The following RBMS2 variants were observed in gnomAD, a reference collection of about 807,000 sequenced individuals.
RBMS2 encodes the protein RNA binding motif single stranded interacting protein 2, also known as RNA-binding motif, single-stranded-interacting protein 2.
RBMS2 carries 38 observed loss-of-function variants against 58.4 expected under a neutral mutation model. The ratio of observed to expected loss-of-function variants is 0.65; its 90% CI spans 0.50 to 0.85. The LOEUF is 0.85. Among genes scored for constraint, RBMS2 ranks in the 40% least tolerant of loss-of-function variants. The probability of loss-of-function intolerance (pLI) is 0.00; values close to 1 mark genes in which losing one functional copy is unlikely to be tolerated. For synonymous variants in RBMS2, 151 were observed against 180.7 expected, an observed-to-expected ratio of 0.84 and a Z score of 1.32; for missense variants, 367 against 503.7, an observed-to-expected ratio of 0.73 and a Z score of 2.60.
chr12:56,588,952 C>T lies in RBMS2; in HGVS notation c.1164C>T (p.Asn388=), dbSNP rs1885062066. The T allele has an allele frequency of 1.9e-6, 3 of 1,614,158 alleles. No homozygotes were observed. Among genetic ancestry groups the T allele is most frequent in the Non-Finnish European group, 2.5e-6 (3 of 1,180,026 alleles). The change falls in exon 13 of 14, where the codon AAC becomes AAT. Residue 388 remains asparagine (N), a synonymous_variant. Transcript: ENST00000262031. The part of the protein sequence containing the change: ...VSVEESSGQQ[N]QVAVDAPSEH... ...CACAGGAGAGCAGCGGCCAACAGAA[C>T]CAAGTGGCAGTGGACGCACCCTCAG...
At chr12:56,558,532 T>C (rs189397400) in intron 1 of RBMS2, among the ~76,000 whole-genome samples, 27 of 147,034 alleles carry the variant, frequency 1.8e-4, no homozygotes, top group Middle Eastern at 6.8e-3. Flanking sequence ...AGTTGCTTTC[T>C]TTTTTTCCCT....
Position 56,589,607 on chromosome 12 carries a change from C to T in RBMS2, c.*474C>T. 1 of 177,306 alleles carries T rather than the reference C, an allele frequency of 5.6e-6. No individual in the cohort carries two copies. Among genetic ancestry groups the T allele is most frequent in the Non-Finnish European group, 1.2e-5 (1 of 83,480 alleles). The allele number at this position is 177,306 out of a possible 1,614,324, so 11.0% of individuals were successfully genotyped here. A position where few individuals can be genotyped will look rare whatever the true frequency, so the allele number is the denominator to read the frequency against. On this transcript the variant is annotated 3_prime_UTR_variant, in exon 14 of 14. Coordinates refer to ENST00000262031, the MANE Select transcript of RBMS2 (RefSeq NM_002898.4). ...CTGGAACATCGATGAAGGAGCCCTA[C>T]TTACTGAGCTTAGTTATGGACTTTT...
chr12:56,577,645 T>A (rs1474517047), intron 5 of RBMS2, among the ~76,000 whole-genome samples: 2 of 151,574 alleles, frequency 1.3e-5, no homozygotes, highest in Non-Finnish European at 2.9e-5. Flanking sequence ...CAGCTAATTT[T>A]TTGGTGGGGG....
upstream of RBMS2, among the ~76,000 whole-genome samples, chr12:56,521,502 G>GTTTTTTTTTTTTTTTTTTTTTTTT (rs68129205): frequency 1.2e-4 from 9 of 73,158 alleles, 1 homozygote; most frequent in African/African-American, 4.4e-4. Context: ...CTCTAACTCT[G>GTTTTTTTTTTTTTTTTTTTTTTTT]TTTTTTTTTT....
At position 56,587,438 on chromosome 12, in the gene RBMS2, C is replaced by G. The variant is rs1290544481; in HGVS notation, c.952-116C>G. ...GCATAGTTGGGTTGCTGCTCACTTA[C>G]CATTTCCCAGGATTCTTAAATGTCT... On this transcript the variant is annotated intron_variant, in intron 10 of 13. Transcript: ENST00000262031. 10 of 1,120,486 alleles carry G rather than the reference C, an allele frequency of 8.9e-6. No individual in the cohort carries two copies. The South Asian group carries it at 1.6e-4, about 18-fold the overall frequency. The allele number at this position is 1,120,486 out of a possible 1,614,324, so 69.4% of individuals were successfully genotyped here. A position where few individuals can be genotyped will look rare whatever the true frequency, so the allele number is the denominator to read the frequency against.
intron 1 of RBMS2, among the ~76,000 whole-genome samples, chr12:56,548,818 C>T (rs1384276993): frequency 1.3e-5 from 2 of 152,110 alleles, no homozygotes; most frequent in Admixed American, 6.6e-5. Context: ...CTATTATGTG[C>T]CAGGAACTTA....
At chr12:56,586,257 G>A (rs778586066) in intron 9 of RBMS2, among the ~76,000 whole-genome samples, 29 of 152,006 alleles carry the variant, frequency 1.9e-4, no homozygotes, top group Non-Finnish European at 2.9e-4. Context: ...GTGTGAACCC[G>A]GGAGGCGGAG....
intron 1 of RBMS2, among the ~76,000 whole-genome samples, chr12:56,538,466 CTTTTTTTTT>C (rs58534515): frequency 2.8e-5 from 2 of 72,496 alleles, no homozygotes; most frequent in South Asian, 6.7e-4. Context: ...GTACTGATAT[CTTTTTTTTT>C]TTTTTTTTTT....
chr12:56,533,025 C>T (rs976350043), intron 1 of RBMS2, among the ~76,000 whole-genome samples: 2 of 152,034 alleles, frequency 1.3e-5, no homozygotes, highest in Non-Finnish European at 2.9e-5. Context: ...GCCTCGACCT[C>T]CCTGGCTCAA....
chr12:56,588,844 CGAT>C, intron 12 of RBMS2, 85 bp from the exon 13 acceptor site: 3 of 1,277,616 alleles, frequency 2.3e-6, no homozygotes, highest in Non-Finnish European at 3.4e-6. Context: ...GGAGGGCACT[CGAT>C]GTAGGGTGGG....
rs533811924 is a variant in RBMS2 at position 56,593,910 on chromosome 12, A to G, written c.*4777A>G. The G allele has an allele frequency of 1.3e-5, 2 of 152,426 alleles. No individual in the cohort carries two copies. Among genetic ancestry groups the G allele is most frequent in the East Asian group, 3.9e-4 (2 of 5,184 alleles). 9.4% of individuals were successfully genotyped at this position (152,426 alleles called of 1,614,324 possible). A position where few individuals can be genotyped will look rare whatever the true frequency, so the allele number is the denominator to read the frequency against. ...CCAGGCCAGGAAGCCTGGTGGCTCT[A>G]AAGGGTAATAGACCTTGTCAGTAAC... On this transcript the variant is annotated 3_prime_UTR_variant, in exon 14 of 14. Coordinates refer to ENST00000262031, the MANE Select transcript of RBMS2 (RefSeq NM_002898.4).
chr12:56,537,089 T>G (rs1015848085), intron 1 of RBMS2, among the ~76,000 whole-genome samples: 14 of 151,840 alleles, frequency 9.2e-5, no homozygotes, highest in African/African-American at 3.1e-4. Context: ...CCTGGCTAAT[T>G]TTTGTATTTT....
At chr12:56,555,007 A>G (rs1245868738) in intron 1 of RBMS2, among the ~76,000 whole-genome samples, 4 of 151,848 alleles carry the variant, frequency 2.6e-5, no homozygotes, top group African/African-American at 4.8e-5. Flanking sequence ...TTGTACATAT[A>G]TATTTGTGCA....
Position 56,555,440 on chromosome 12 carries a change from CAAAA to C in RBMS2, c.67-6964_67-6961del, listed in dbSNP as rs771583124. Reference sequence around the variant, plus strand: ...GGGCAACAAGAGCAAAACTTGGTCTCAAAAAAAAAAAAAAAAGGAAGAAGAAGAC... The same window carrying C: ...GGGCAACAAGAGCAAAACTTGGTCTCAAAAAAAAAAAAGGAAGAAGAAGAC... On this transcript the variant is annotated intron_variant, in intron 1 of 13. Coordinates refer to ENST00000262031, the MANE Select transcript of RBMS2 (RefSeq NM_002898.4). Among the ~76,000 whole-genome samples, 8 of 87,098 alleles carry C rather than the reference CAAAA, an allele frequency of 9.2e-5. No individual in the cohort carries two copies. In the East Asian group the frequency reaches 9.9e-4, roughly 11 times the overall value. The allele number at this position is 87,098 out of a possible 152,430, so 57.1% of individuals were successfully genotyped here. A position where few individuals can be genotyped will look rare whatever the true frequency, so the allele number is the denominator to read the frequency against.
chr12:56,543,849 G>A (rs1394145958), intron 1 of RBMS2, among the ~76,000 whole-genome samples: 1 of 149,032 alleles, frequency 6.7e-6, no homozygotes, highest in Non-Finnish European at 1.5e-5. Context: ...TGTATTTTTA[G>A]TGGAGATGGG....
At chr12:56,523,513 C>T (rs1416277789) in intron 1 of RBMS2, among the ~76,000 whole-genome samples, 3 of 152,174 alleles carry the variant, frequency 2.0e-5, no homozygotes, top group Non-Finnish European at 2.9e-5. Flanking sequence ...GGCATGGTGG[C>T]TTATGCCTGT....
intron 2 of RBMS2, among the ~76,000 whole-genome samples, chr12:56,567,417 G>A (rs913363561): frequency 5.3e-5 from 8 of 150,592 alleles, no homozygotes; most frequent in Non-Finnish European, 1.0e-4. Flanking sequence ...AGGAGAAGGA[G>A]GAGAAGAGGA....
chr12:56,573,228 G>A (rs1378687827), intron 5 of RBMS2: 3 of 946,886 alleles, frequency 3.2e-6, no homozygotes, highest in Non-Finnish European at 3.8e-6. Context: ...TGTAATCCCA[G>A]CACTTTGGGA....
At chr12:56,536,167 T>C (rs150694129) in intron 1 of RBMS2, among the ~76,000 whole-genome samples, 66 of 121,304 alleles carry the variant, frequency 5.4e-4, no homozygotes, top group African/African-American at 2.1e-3. Context: ...GCCATTGCAC[T>C]CCAGCCTGGG....
Sources: gnomAD v4.1 joint callset for allele counts (sites outside exome capture counted in the v4.1 genomes callset) on GRCh38, gnomAD v4.1.1 for gene constraint, MANE v1.5 for transcripts, NCBI Gene and HGNC (gene_info 2026-07-23, HGNC 2026-07-21) for gene names.